Variants in ZFP28 observed in about 807,000 individuals in gnomAD.
ZFP28 encodes the protein ZFP28 zinc finger protein.
Under a neutral mutation model 39.5 loss-of-function variants are expected in ZFP28, and 31 were observed. The ratio of observed to expected loss-of-function variants is 0.79; its 90% CI spans 0.59 to 1.06. ZFP28 has a LOEUF of 1.06. Ranked by LOEUF, ZFP28 falls within the 50% of genes least tolerant of loss-of-function variation. The pLI is 0.00. For synonymous variants in ZFP28, 400 were observed against 378.6 expected (o/e 1.06, Z -0.66); for missense variants, 925 against 1,048.4 (o/e 0.88, Z 1.63).
intron 2 of ZFP28, among the ~76,000 whole-genome samples, chr19:56,542,723 C>G (rs1422237681): frequency 6.6e-6 from 1 of 152,002 alleles, no homozygotes. Context: ...TTAGAATAGT[C>G]ATTTTTATAC....
rs140312095 is a variant in ZFP28, at chr19:56,547,735, G to T, written c.428-72G>T. The stretch of plus-strand genomic sequence containing the variant: ...ACCCAGACCTGCACTGCCCTCTTGC[G>T]TCAAGCCAAGGGGACTGCATCTCAG... On this transcript the variant is annotated intron_variant, in intron 3 of 7. Coordinates refer to ENST00000301318, the MANE Select transcript of ZFP28 (RefSeq NM_020828.2). The surrounding 1 kb of genome is among the most constrained non-coding windows in gnomAD (Gnocchi z 4.6). 1 of 1,600,838 alleles carries T rather than the reference G, an allele frequency of 6.2e-7. No homozygotes were observed. Among genetic ancestry groups the T allele is most frequent in the Non-Finnish European group, 8.5e-7 (1 of 1,171,158 alleles).
intron 6 of ZFP28, 41 bp from the exon 7 acceptor site, chr19:56,550,469 C>G (rs763936613): frequency 6.4e-7 from 1 of 1,563,272 alleles, no homozygotes. Flanking sequence ...TTTAGGATGC[C>G]AAGACTATTG....
chr19:56,550,563 C>T lies in ZFP28; in HGVS notation c.856C>T (p.Pro286Ser), dbSNP rs767314030. Residue 286 changes from proline (P) to serine (S), a missense_variant, in exon 7 of 8, where the codon CCC becomes TCC. By Grantham distance (74) the Pro-to-Ser change is moderately conservative. Around this residue, in one of 2 missense-constraint regions of ZFP28, gnomAD observed 556 missense variants for 542.9 expected, o/e 1.02. Coordinates refer to ENST00000301318, the MANE Select transcript of ZFP28 (RefSeq NM_020828.2). ...CTCTTTACTAGAGCAAGAGAAGGAGCCCTGGATGGTGAAGCGAGAGCTGAC... is the reference window on the plus strand; with the variant it reads ...CTCTTTACTAGAGCAAGAGAAGGAGTCCTGGATGGTGAAGCGAGAGCTGAC... ...LVSLLEQEKEPWMVKRELTGS... is the reference protein window; with the variant it reads ...LVSLLEQEKESWMVKRELTGS... The T allele has an allele frequency of 4.3e-6, 7 of 1,614,080 alleles. No homozygotes were observed. The highest frequency in any genetic ancestry group is 1.1e-5 in the South Asian group (1 of 91,078).
rs1164561258 is a variant in ZFP28 at position 56,551,948 on chromosome 19, G to A, written c.898+1343G>A. On this transcript the variant is annotated intron_variant, in intron 7 of 7. Transcript: ENST00000301318. ...GCAATAAGAGTTTTAATTTTAATTA[G>A]GTCTTTTAAAATTATGACATGTAAA... 4 of 975,412 alleles carry A rather than the reference G, an allele frequency of 4.1e-6. No individual in the cohort carries two copies. The South Asian group carries it at 1.9e-4, about 46-fold the overall frequency. The allele number at this position is 975,412 out of a possible 1,614,324, so 60.4% of individuals were successfully genotyped here.
intron 1 of ZFP28, 78 bp from the exon 2 acceptor site, chr19:56,539,547 G>T: frequency 8.0e-7 from 1 of 1,247,558 alleles, no homozygotes; most frequent in Non-Finnish European, 1.2e-6. Flanking sequence ...ACCTTTTCAT[G>T]CAGGAAGGGA....
In ZFP28 at chr19:56,547,353, G is replaced by A. The variant is rs1008575349; in HGVS notation, c.301-155G>A. On this transcript the variant is annotated intron_variant, in intron 2 of 7. Transcript: ENST00000301318. This position sits in a 1 kb window ranked among gnomAD's most constrained non-coding sequence, Gnocchi z 4.6. Reference sequence around the variant, plus strand: ...TTTAACCCTAATTACCTCTTTGTAGGCCCTGTCTCTAAATACAGTCACATT... The same window carrying A: ...TTTAACCCTAATTACCTCTTTGTAGACCCTGTCTCTAAATACAGTCACATT... 13 of 1,092,716 alleles carry A rather than the reference G, an allele frequency of 1.2e-5. No homozygotes were observed. Among genetic ancestry groups the A allele is most frequent in the Non-Finnish European group, 1.6e-5 (12 of 763,936 alleles). The allele number at this position is 1,092,716 out of a possible 1,614,324, so 67.7% of individuals were successfully genotyped here. A position where few individuals can be genotyped will look rare whatever the true frequency, so the allele number is the denominator to read the frequency against.
In ZFP28 at chr19:56,555,549, G is replaced by A; in HGVS notation, c.*157G>A. 9.3e-7 allele frequency: 1 copy of A among 1,079,256 alleles called. No individual in the cohort carries two copies. Among genetic ancestry groups the A allele is most frequent in the Non-Finnish European group, 1.3e-6 (1 of 761,274 alleles). 66.9% of individuals were successfully genotyped at this position (1,079,256 alleles called of 1,614,324 possible). On this transcript the variant is annotated 3_prime_UTR_variant, in exon 8 of 8. Transcript: ENST00000301318. ...TAAAACTTATAGTTTCTTTAAATTG[G>A]TTAATGTGTGAGATGTGCTCAGCAC...
In ZFP28 at chr19:56,542,396, G is replaced by A. The variant is rs145883697; in HGVS notation, c.300+2680G>A. Among the ~76,000 whole-genome samples, 1,060 of 152,296 alleles carry A rather than the reference G, an allele frequency of 7.0e-3. 5 individuals carry two copies. Among genetic ancestry groups the A allele is most frequent in the Non-Finnish European group, 0.011 (765 of 68,022 alleles). On this transcript the variant is annotated intron_variant, in intron 2 of 7. Coordinates refer to ENST00000301318, the MANE Select transcript of ZFP28 (RefSeq NM_020828.2). ...CTCGAACTCCTGGCCTCAGGCAACC[G>A]CCCGCCTTGGGCTACCAAATTGCTG...
intron 7 of ZFP28, chr19:56,551,932 GTTTTAA>G (rs1227594128): frequency 6.1e-6 from 6 of 981,134 alleles, no homozygotes; most frequent in East Asian, 2.3e-4. Flanking sequence ...GGCAATAAGA[GTTTTAA>G]TTTTAATTAG....
rs1389319264 is a variant in ZFP28 at position 56,554,213 on chromosome 19, T to A, written c.1428T>A (p.Tyr476Ter). 6.2e-7 allele frequency: 1 copy of A among 1,614,074 alleles called. No homozygotes were observed. Among genetic ancestry groups the A allele is most frequent in the Non-Finnish European group, 8.5e-7 (1 of 1,180,036 alleles). The change falls in exon 8 of 8, where the codon TAT (tyrosine) becomes TAA (stop). Residue 476 changes from tyrosine to a stop codon, truncating the protein, a stop_gained. Coordinates refer to ENST00000301318, the MANE Select transcript of ZFP28 (RefSeq NM_020828.2). LOFTEE classifies it low-confidence loss of function (END_TRUNC). The surrounding 1 kb of genome is among the most constrained non-coding windows in gnomAD (Gnocchi z 6.7). ...HQRCHTGKKP[Y>*]ECIECGKAFI... ...GATGTCACACTGGCAAGAAGCCCTA[T>A]GAGTGCATTGAGTGTGGGAAAGCTT... is the stretch of plus-strand genomic sequence containing the variant.
Position 56,547,685 on chromosome 19 carries a change from C to A in ZFP28, c.427+51C>A. ...CCCCTCACCCTACCCACGTCCTGGA[C>A]TAAGAAGCCTTTCATGCCTTTATCA... On this transcript the variant is annotated intron_variant, in intron 3 of 7. Transcript: ENST00000301318. This position sits in a 1 kb window ranked among gnomAD's most constrained non-coding sequence, Gnocchi z 4.6. 6.3e-7 allele frequency: 1 copy of A among 1,584,264 alleles called. No homozygotes were observed. Among genetic ancestry groups the A allele is most frequent in the Non-Finnish European group, 8.6e-7 (1 of 1,164,770 alleles).
chr19:56,539,334 C>A, intron 1 of ZFP28, 108 bp downstream of exon 1: 2 of 1,197,328 alleles, frequency 1.7e-6, no homozygotes, highest in Non-Finnish European at 2.3e-6. Context: ...AGAACTGTGC[C>A]CCTGGTCTTT....
At position 56,539,655 on chromosome 19, in the gene ZFP28, A is replaced by C. The variant is rs903847504; in HGVS notation, c.239A>C (p.Gln80Pro). ...CCTTCCAGGGACACTGCTCTTCCCCAGGAGAGAAACAAGAAGCTGGAGGCT... is the reference window on the plus strand; with the variant it reads ...CCTTCCAGGGACACTGCTCTTCCCCCGGAGAGAAACAAGAAGCTGGAGGCT... ...ALPSRDTALP[Q>P]ERNKKLEAVG... The change falls in exon 2 of 8, where the codon CAG becomes CCG. Residue 80 changes from glutamine to proline, a missense_variant. Physicochemically the swap from Gln to Pro is moderately conservative, Grantham distance 76 (BLOSUM62 -1). Transcript: ENST00000301318. 4.3e-6 allele frequency: 7 copies of C among 1,614,070 alleles called. No individual in the cohort carries two copies. The highest frequency in any genetic ancestry group is 5.9e-6 in the Non-Finnish European group (7 of 1,180,006).
chr19:56,547,863 T>C lies in ZFP28; in HGVS notation c.484T>C (p.Trp162Arg), dbSNP rs2044257555. ...CTCGTTGGAACAAGGAAAAGAGCCT[T>C]GGACAGTGAAGCGAAAGATGACAAG... is the stretch of plus-strand genomic sequence containing the variant. ...ISSLEQGKEP[W>R]TVKRKMTRAW... Residue 162 changes from tryptophan (W) to arginine (R), a missense_variant, in exon 4 of 8, where the codon TGG becomes CGG. By Grantham distance (101) the Trp-to-Arg change is moderately radical. Coordinates refer to ENST00000301318, the MANE Select transcript of ZFP28 (RefSeq NM_020828.2). This position sits in a 1 kb window ranked among gnomAD's most constrained non-coding sequence, Gnocchi z 4.6. 1 of 1,614,126 alleles carries C rather than the reference T, an allele frequency of 6.2e-7. No homozygotes were observed. The highest frequency in any genetic ancestry group is 1.3e-5 in the African/African-American group (1 of 75,012).
At position 56,556,620 on chromosome 19, in the gene ZFP28, T is replaced by C. The variant is rs530770416; in HGVS notation, c.*1228T>C. On this transcript the variant is annotated 3_prime_UTR_variant, in exon 8 of 8. Transcript: ENST00000301318. ...TCCTTTAACAGAAAGTTTGCCAACCTCTGCTCTAGAGTAGAGAAAAATGTA... is the reference window on the plus strand; with the variant it reads ...TCCTTTAACAGAAAGTTTGCCAACCCCTGCTCTAGAGTAGAGAAAAATGTA... 2.6e-5 allele frequency: 4 copies of C among 152,148 alleles called. No homozygotes were observed. Among genetic ancestry groups the C allele is most frequent in the Non-Finnish European group, 5.9e-5 (4 of 68,040 alleles). 9.4% of individuals were successfully genotyped at this position (152,148 alleles called of 1,614,324 possible).
Position 56,538,986 on chromosome 19 carries a change from C to G in ZFP28, c.-33C>G, listed in dbSNP as rs1273822848. ...CCAGGGGTGTGGGTCTGTGAGGGAC[C>G]GGTCGGAAGGGCGTCGCGCGGCCTC... On this transcript the variant is annotated 5_prime_UTR_variant, in exon 1 of 8. Coordinates refer to ENST00000301318, the MANE Select transcript of ZFP28 (RefSeq NM_020828.2). 3.7e-6 allele frequency: 5 copies of G among 1,367,462 alleles called. No individual in the cohort carries two copies. Among genetic ancestry groups the G allele is most frequent in the African/African-American group, 1.6e-5 (1 of 63,960 alleles). 84.7% of individuals were successfully genotyped at this position (1,367,462 alleles called of 1,614,324 possible).
chr19:56,550,802 T>TCCCTGA (rs762574568), intron 7 of ZFP28, 197 bp downstream of exon 7: 122 of 1,504,642 alleles, frequency 8.1e-5, no homozygotes, highest in Non-Finnish European at 1.0e-4. Flanking sequence ...AACTGCCATT[T>TCCCTGA]CCCTGAAGTT....
In ZFP28 at chr19:56,548,873, CT is replaced by C. The variant is rs769950398; in HGVS notation, c.524-81del. The C allele has an allele frequency of 3.5e-5, 47 of 1,359,238 alleles. No individual in the cohort carries two copies. In the South Asian group the frequency reaches 7.1e-4, roughly 20 times the overall value. The allele number at this position is 1,359,238 out of a possible 1,614,324, so 84.2% of individuals were successfully genotyped here. On this transcript the variant is annotated intron_variant, in intron 4 of 7. Transcript: ENST00000301318. ...TAAATGACTATATGCTTTTTTGTGG[CT>C]TTTAATTTAACGGTTGCATTTTGGA...
Position 56,554,798 on chromosome 19 carries a change from A to G in ZFP28, c.2013A>G (p.Lys671=). 6.2e-7 allele frequency: 1 copy of G among 1,614,180 alleles called. No individual in the cohort carries two copies. The highest frequency in any genetic ancestry group is 8.5e-7 in the Non-Finnish European group (1 of 1,180,040). The part of the protein sequence containing the change: ...AQHQKTHTGE[K]PYECKECGKA... ...ATCAGAAAACCCATACAGGAGAGAA[A>G]CCATATGAGTGCAAGGAATGCGGTA... is the stretch of plus-strand genomic sequence containing the variant. The change falls in exon 8 of 8, where the codon AAA becomes AAG. Residue 671 remains lysine, a synonymous_variant. Coordinates refer to ENST00000301318, the MANE Select transcript of ZFP28 (RefSeq NM_020828.2). This position sits in a 1 kb window ranked among gnomAD's most constrained non-coding sequence, Gnocchi z 6.7.
Sources: allele counts gnomAD v4.1 joint callset (sites outside exome capture counted in the v4.1 genomes callset), GRCh38; gene constraint gnomAD v4.1.1; regional missense constraint gnomAD v4.1.1; non-coding constraint Gnocchi (gnomAD v3.1); transcripts MANE v1.5; gene names NCBI Gene and HGNC (gene_info 2026-07-23, HGNC 2026-07-21).